The following ZNF100 variants were observed in gnomAD, a reference collection of about 807,000 sequenced individuals.
ZNF100 encodes the protein zinc finger protein 100, also known as zinc finger protein 100 (Y1).
In ZNF100, 12 loss-of-function variants were observed where a neutral mutation model predicts 15.8. The ratio of observed to expected loss-of-function variants is 0.76; its 90% CI spans 0.49 to 1.23. The LOEUF (loss-of-function observed/expected upper bound fraction) is 1.23, where lower values mean the gene tolerates loss of function less well. Among genes scored for constraint, ZNF100 ranks in the 50% most tolerant of loss-of-function variants. ZNF100 has a pLI of 0.00. For synonymous variants in ZNF100, 226 were observed against 214.8 expected, an observed-to-expected ratio of 1.05 and a Z score of -0.45; for missense variants, 670 against 635.6, an observed-to-expected ratio of 1.05 and a Z score of -0.58.
chr19:21,724,076 G>C lies in ZNF100; in HGVS notation c.*2607C>G, dbSNP rs936483986. On this transcript the variant is annotated 3_prime_UTR_variant, in exon 5 of 5. Transcript: ENST00000358296. ...TCTGTAAAATATTTATATGAAAAAA[G>C]ATACAAAATAATTAGGGGTCTATCA... 1 of 151,996 alleles carries C rather than the reference G, an allele frequency of 6.6e-6. No individual in the cohort carries two copies. The highest frequency in any genetic ancestry group is 2.4e-5 in the African/African-American group (1 of 41,394). The allele number at this position is 151,996 out of a possible 1,614,324, so 9.4% of individuals were successfully genotyped here.
At chr19:21,757,877 A>C (rs903841283) in intron 2 of ZNF100, among the ~76,000 whole-genome samples, 2 of 152,022 alleles carry the variant, frequency 1.3e-5, no homozygotes, top group African/African-American at 4.8e-5. Flanking sequence ...CTCTACAAAA[A>C]ATAAAAATAA....
chr19:21,738,932 G>A (rs749010074), intron 4 of ZNF100, among the ~76,000 whole-genome samples: 1 of 151,984 alleles, frequency 6.6e-6, no homozygotes, highest in Non-Finnish European at 1.5e-5. Context: ...ACTACAGAGT[G>A]AAACTCCATC....
At chr19:21,743,909 A>T (rs1306411843) in intron 4 of ZNF100, 108 bp downstream of exon 4, 24 of 1,210,656 alleles carry the variant, frequency 2.0e-5, no homozygotes, top group Non-Finnish European at 2.6e-5. Context: ...CATCCCAGAA[A>T]CTATTTCCTT....
In ZNF100 at chr19:21,726,602, C is replaced by G; in HGVS notation, c.*81G>C. The stretch of plus-strand genomic sequence containing the variant: ...ATTAAAGGCTTTGCCATATTCTTCA[C>G]AGTCACAGGAGTTCCCTCCAGTATG... On this transcript the variant is annotated 3_prime_UTR_variant, in exon 5 of 5. Transcript: ENST00000358296. The G allele has an allele frequency of 1.6e-6, 2 of 1,248,010 alleles. No homozygotes were observed. Among genetic ancestry groups the G allele is most frequent in the Non-Finnish European group, 1.1e-6 (1 of 894,266 alleles). 77.3% of individuals were successfully genotyped at this position (1,248,010 alleles called of 1,614,324 possible). A position where few individuals can be genotyped will look rare whatever the true frequency, so the allele number is the denominator to read the frequency against.
rs868028984 is a variant in ZNF100, at chr19:21,724,287, C to T, written c.*2396G>A. ...TTTTGTTCAGTATTGCTTTTTTCTT[C>T]GGAAAACAGGTACAAATTCATACAC... On this transcript the variant is annotated 3_prime_UTR_variant, in exon 5 of 5. Coordinates refer to ENST00000358296, the MANE Select transcript of ZNF100 (RefSeq NM_173531.4). 9.9e-5 allele frequency: 15 copies of T among 152,070 alleles called. No individual in the cohort carries two copies. Among genetic ancestry groups the T allele is most frequent in the Admixed American group, 3.9e-4 (6 of 15,278 alleles). 9.4% of individuals were successfully genotyped at this position (152,070 alleles called of 1,614,324 possible). A position where few individuals can be genotyped will look rare whatever the true frequency, so the allele number is the denominator to read the frequency against.
intron 2 of ZNF100, among the ~76,000 whole-genome samples, chr19:21,759,968 A>G (rs957806456): frequency 1.3e-5 from 2 of 152,126 alleles, no homozygotes; most frequent in African/African-American, 4.8e-5. Flanking sequence ...GGATCACCTG[A>G]GGTTGGGAGT....
chr19:21,758,271 C>T (rs7250460), intron 2 of ZNF100, among the ~76,000 whole-genome samples: 152,101 of 152,260 alleles, frequency 1, 75,971 homozygotes, highest in Non-Finnish European at 1. Context: ...CGGGGCCTAG[C>T]TGAGAATGGA....
In ZNF100 at chr19:21,727,062, GTGAGGGC is replaced by G. The variant is rs773610867; in HGVS notation, c.1243_1249del (p.Ala415LeufsTer33). 6.2e-7 allele frequency: 1 copy of G among 1,613,656 alleles called. No individual in the cohort carries two copies. The highest frequency in any genetic ancestry group is 1.1e-5 in the South Asian group (1 of 91,052). On this transcript the variant is annotated frameshift_variant, in exon 5 of 5. Transcript: ENST00000358296. LOFTEE classifies it low-confidence loss of function (END_TRUNC). ...TCCAGTATGAATTCTCTTATGTTTA[GTGAGGGC>G]TGAGGACCAGTTAAAGCCTTTGCCG...
At chr19:21,746,744 G>A (rs1187579832) in intron 2 of ZNF100, 2 of 152,142 alleles carry the variant, frequency 1.3e-5, no homozygotes, top group African/African-American at 4.8e-5. Context: ...AAGTAGAGAA[G>A]TAAAGGTTTG....
chr19:21,744,825 T>C, intron 3 of ZNF100, 116 bp downstream of exon 3: 1 of 1,508,774 alleles, frequency 6.6e-7, no homozygotes. Flanking sequence ...CAAGATTTTC[T>C]TGAAAAAACG....
chr19:21,765,913 C>A, intron 1 of ZNF100, 127 bp from the exon 2 acceptor site: 2 of 852,248 alleles, frequency 2.3e-6, no homozygotes, highest in South Asian at 1.6e-5. Flanking sequence ...TAAAGGGTGG[C>A]TGAGGACACA....
Position 21,761,004 on chromosome 19 carries a change from C to T in ZNF100, c.96+4690G>A, listed in dbSNP as rs149332420. 8.9e-3 allele frequency among the ~76,000 whole-genome samples: 1,347 copies of T among 152,022 alleles called. 6 individuals carry two copies. Among genetic ancestry groups the T allele is most frequent in the Non-Finnish European group, 0.013 (909 of 67,970 alleles). The stretch of plus-strand genomic sequence containing the variant: ...TGATCTCCTGACTTCGTGATCTGCC[C>T]GCTTCAGCCTCCCAAAGTGCTGGCA... On this transcript the variant is annotated intron_variant, in intron 2 of 4. Transcript: ENST00000358296.
intron 2 of ZNF100, among the ~76,000 whole-genome samples, chr19:21,763,390 G>A (rs900550964): frequency 4.6e-5 from 7 of 152,116 alleles, no homozygotes; most frequent in African/African-American, 1.7e-4. Context: ...AGGAGATTGA[G>A]ACCATCCTGG....
chr19:21,762,603 T>C (rs1207382914), intron 2 of ZNF100, among the ~76,000 whole-genome samples: 3 of 152,152 alleles, frequency 2.0e-5, no homozygotes, highest in African/African-American at 7.2e-5. Flanking sequence ...AAGACGCTAA[T>C]AGGCAAGAAT....
chr19:21,758,026 ACTGT>A (rs2036418111), intron 2 of ZNF100, among the ~76,000 whole-genome samples: 2 of 152,192 alleles, frequency 1.3e-5, no homozygotes, highest in South Asian at 4.2e-4. Flanking sequence ...AGAGTGAGAC[ACTGT>A]CTTAAAAAAA....
chr19:21,727,185 T>C lies in ZNF100; in HGVS notation c.1127A>G (p.Glu376Gly). The C allele has an allele frequency of 6.2e-7, 1 of 1,613,860 alleles. No individual in the cohort carries two copies. Among genetic ancestry groups the C allele is most frequent in the Non-Finnish European group, 8.5e-7 (1 of 1,179,920 alleles). ...THAGEKPYKC[E>G]ECGKAFYRFS... is the part of the protein sequence containing the mutation. The stretch of plus-strand genomic sequence containing the variant: ...TCGGTAAAAAGCTTTGCCACATTCT[T>C]CACATTTGTAAGGTTTCTCTCCAGC... The change falls in exon 5 of 5, where the codon GAA (glutamate) becomes GGA (glycine). Residue 376 changes from glutamate (E) to glycine (G), a missense_variant. Coordinates refer to ENST00000358296, the MANE Select transcript of ZNF100 (RefSeq NM_173531.4).
At chr19:21,746,451 C>T (rs2036213425) in intron 2 of ZNF100, among the ~76,000 whole-genome samples, 1 of 152,108 alleles carries the variant, frequency 6.6e-6, no homozygotes, top group Admixed American at 6.5e-5. Flanking sequence ...TAATGGAGAA[C>T]ACAGATGGAA....
At chr19:21,740,212 AAC>A (rs1423320143) in intron 4 of ZNF100, among the ~76,000 whole-genome samples, 1 of 152,216 alleles carries the variant, frequency 6.6e-6, no homozygotes, top group Admixed American at 6.5e-5. Context: ...AGCTGCCATG[AAC>A]ACACCATAGA....
intron 4 of ZNF100, among the ~76,000 whole-genome samples, chr19:21,741,192 T>C (rs2036100652): frequency 6.6e-6 from 1 of 152,182 alleles, no homozygotes; most frequent in Admixed American, 6.5e-5. Context: ...ATATGAGATA[T>C]CTTAAATAGT....
Sources: allele counts gnomAD v4.1 joint callset (sites outside exome capture counted in the v4.1 genomes callset), GRCh38; gene constraint gnomAD v4.1.1; transcripts MANE v1.5; gene names NCBI Gene and HGNC (gene_info 2026-07-23, HGNC 2026-07-21).